Variants in SPPL3 observed in about 807,000 individuals in gnomAD.
SPPL3 encodes signal peptide peptidase-like 3.
In SPPL3, 5 loss-of-function variants were observed where a neutral mutation model predicts 42.4. The ratio of observed to expected loss-of-function variants is 0.12; its 90% CI spans 0.06 to 0.25. The LOEUF is 0.25. Among genes scored for constraint, SPPL3 ranks in the 10% least tolerant of loss-of-function variants. The probability of loss-of-function intolerance (pLI) is 1.00; values close to 1 mark genes in which losing one functional copy is unlikely to be tolerated. For synonymous variants in SPPL3, 195 were observed against 181.8 expected (o/e 1.07, Z -0.58); for missense variants, 235 against 489.0 (o/e 0.48, Z 4.90).
chr12:120,851,249 T>G (rs937068859), intron 1 of SPPL3, among the ~76,000 whole-genome samples: 1 of 152,218 alleles, frequency 6.6e-6, no homozygotes, highest in African/African-American at 2.4e-5. Flanking sequence ...CTAGAGACCA[T>G]GTAGCAGCAG....
intron 2 of SPPL3, among the ~76,000 whole-genome samples, chr12:120,805,029 C>T (rs1357558313): frequency 6.6e-6 from 1 of 152,038 alleles, no homozygotes; most frequent in Non-Finnish European, 1.5e-5. Context: ...ATAGGCAAAT[C>T]TATAGAGATA....
chr12:120,801,567 G>A (rs977924023), intron 2 of SPPL3, among the ~76,000 whole-genome samples: 18 of 152,042 alleles, frequency 1.2e-4, no homozygotes, highest in Admixed American at 1.1e-3. Context: ...CCTTGGCCCT[G>A]TTACACCAAG....
At chr12:120,768,922 G>A (rs1156653567) in intron 7 of SPPL3, 31 bp downstream of exon 7, 1 of 1,554,252 alleles carries the variant, frequency 6.4e-7, no homozygotes, top group Admixed American at 1.9e-5. Context: ...ACACAAAGAA[G>A]GGGAGGAGCT....
At chr12:120,845,313 G>C in intron 1 of SPPL3, 1 of 343,994 alleles carries the variant, frequency 2.9e-6, no homozygotes, top group Non-Finnish European at 5.9e-6. Context: ...CCCAGAGCTC[G>C]TCCTCGGCCA....
At chr12:120,779,440 C>A (rs747826358) in intron 6 of SPPL3, among the ~76,000 whole-genome samples, 2 of 152,188 alleles carry the variant, frequency 1.3e-5, no homozygotes, top group Non-Finnish European at 2.9e-5. Flanking sequence ...GGAATAGATG[C>A]AATCCATACC....
intron 1 of SPPL3, among the ~76,000 whole-genome samples, chr12:120,851,563 A>C (rs952146655): frequency 6.6e-6 from 1 of 152,094 alleles, no homozygotes; most frequent in African/African-American, 2.4e-5. Context: ...CTCAAATCTT[A>C]GAATCAGATG....
chr12:120,899,609 C>A (rs568450703), intron 1 of SPPL3, among the ~76,000 whole-genome samples: 2 of 151,794 alleles, frequency 1.3e-5, no homozygotes, highest in Admixed American at 6.6e-5. Flanking sequence ...ATAAAAAGAT[C>A]GCCGGGCACA....
chr12:120,768,604 G>A lies in SPPL3; in HGVS notation c.610-116C>T, dbSNP rs150034936. The A allele has an allele frequency of 9.6e-5, 114 of 1,188,032 alleles. No individual in the cohort carries two copies. In the East Asian group the frequency reaches 2.2e-3, roughly 23 times the overall value. The allele number at this position is 1,188,032 out of a possible 1,614,324, so 73.6% of individuals were successfully genotyped here. A position where few individuals can be genotyped will look rare whatever the true frequency, so the allele number is the denominator to read the frequency against. ...AGAATGCTGTGACTGCAATGCTTTCGTTGACTGTATGATTTGAGAAAATCT... is the reference window on the plus strand; with the variant it reads ...AGAATGCTGTGACTGCAATGCTTTCATTGACTGTATGATTTGAGAAAATCT... On this transcript the variant is annotated intron_variant, in intron 7 of 10. Coordinates refer to ENST00000353487, the MANE Select transcript of SPPL3 (RefSeq NM_139015.5).
chr12:120,791,615 A>G (rs1455074195), intron 2 of SPPL3, 58 bp from the exon 3 acceptor site: 32 of 1,128,878 alleles, frequency 2.8e-5, no homozygotes, highest in Non-Finnish European at 4.0e-5. Flanking sequence ...AAGGTCAGAA[A>G]AGTCATATGA....
At chr12:120,788,922 T>C (rs987337810) in intron 3 of SPPL3, among the ~76,000 whole-genome samples, 11 of 152,242 alleles carry the variant, frequency 7.2e-5, no homozygotes, top group Non-Finnish European at 1.3e-4. Flanking sequence ...TCTTTGATTC[T>C]TGATAAATTC....
intron 1 of SPPL3, among the ~76,000 whole-genome samples, chr12:120,889,481 T>C (rs569532405): frequency 1.3e-5 from 2 of 152,360 alleles, no homozygotes; most frequent in African/African-American, 4.8e-5. Flanking sequence ...AGCCTAAACC[T>C]TAAGAGGTCT....
At chr12:120,821,267 C>G (rs979385531) in intron 1 of SPPL3, among the ~76,000 whole-genome samples, 2 of 152,216 alleles carry the variant, frequency 1.3e-5, no homozygotes, top group African/African-American at 4.8e-5. Flanking sequence ...TATGCTTCAA[C>G]TTTTTCCTAT....
intron 1 of SPPL3, among the ~76,000 whole-genome samples, chr12:120,841,241 G>A (rs1160634921): frequency 6.6e-6 from 1 of 151,636 alleles, no homozygotes; most frequent in African/African-American, 2.4e-5. Context: ...AGGAGAATCG[G>A]TTGAACCCGG....
intron 1 of SPPL3, among the ~76,000 whole-genome samples, chr12:120,818,532 A>T (rs1211882869): frequency 1.3e-5 from 2 of 152,248 alleles, no homozygotes. Context: ...GCAAGTGCTT[A>T]TAACACATAT....
chr12:120,784,439 G>C (rs747289488), intron 4 of SPPL3, 35 bp downstream of exon 4: 1 of 1,522,064 alleles, frequency 6.6e-7, no homozygotes, highest in East Asian at 2.4e-5. Context: ...TTTCCTTTTA[G>C]TATGTTAAGA....
intron 1 of SPPL3, among the ~76,000 whole-genome samples, chr12:120,878,904 G>A (rs1014990126): frequency 2.0e-5 from 3 of 151,688 alleles, no homozygotes; most frequent in South Asian, 4.2e-4. Context: ...ACCTGAGGTC[G>A]CGAGTTTAAG....
At chr12:120,765,431 GC>G (rs1022644960) in intron 10 of SPPL3, among the ~76,000 whole-genome samples, 11 of 151,814 alleles carry the variant, frequency 7.2e-5, no homozygotes, top group African/African-American at 2.2e-4. Flanking sequence ...GGGATTACAG[GC>G]ACTCACCACC....
At chr12:120,860,367 T>C (rs1480031137) in intron 1 of SPPL3, among the ~76,000 whole-genome samples, 1 of 152,208 alleles carries the variant, frequency 6.6e-6, no homozygotes, top group African/African-American at 2.4e-5. Context: ...ATGTATAATA[T>C]ACTCAATCAA....
At chr12:120,877,292 T>C (rs1006826548) in intron 1 of SPPL3, among the ~76,000 whole-genome samples, 9 of 152,226 alleles carry the variant, frequency 5.9e-5, no homozygotes, top group East Asian at 3.9e-4. Context: ...TACCAACCAT[T>C]TGAAGAAAGA....
Sources: gnomAD v4.1 joint callset for allele counts (sites outside exome capture counted in the v4.1 genomes callset) on GRCh38, gnomAD v4.1.1 for gene constraint, MANE v1.5 for transcripts, NCBI Gene and HGNC (gene_info 2026-07-23, HGNC 2026-07-21) for gene names.